The following SEMA3E variants were observed in gnomAD, a reference collection of about 807,000 sequenced individuals.
SEMA3E encodes semaphorin 3E.
Under a neutral mutation model 93.6 loss-of-function variants are expected in SEMA3E, and 49 were observed. The observed-to-expected ratio is 0.52, with a 90% CI of 0.42 to 0.66. SEMA3E has a LOEUF of 0.66. Ranked by LOEUF, SEMA3E falls within the 30% of genes least tolerant of loss-of-function variation. The pLI is 0.00. For missense variants in SEMA3E, 906 were observed against 964.8 expected, an observed-to-expected ratio of 0.94 and a Z score of 0.81; for synonymous variants, 363 against 330.7, an observed-to-expected ratio of 1.10 and a Z score of -1.06.
rs746229270 is a variant in SEMA3E, at chr7:83,396,678, G to A, written c.1418C>T (p.Ser473Leu). The change falls in exon 12 of 17, where the codon TCA becomes TTA. Residue 473 changes from serine (S) to leucine (L), a missense_variant. Transcript: ENST00000643230. ...VITIYNQEME[S>L]MEEVILEELQ... ...TTCTTCTAGAATTACTTCTTCCATT[G>A]ATTCCATTTCTTGGTTGTAAATTGT... The A allele has an allele frequency of 1.2e-6, 2 of 1,608,908 alleles. No individual in the cohort carries two copies. Among genetic ancestry groups the A allele is most frequent in the Middle Eastern group, 1.7e-4 (1 of 6,050 alleles).
chr7:83,441,639 C>A (rs952948660), intron 4 of SEMA3E, among the ~76,000 whole-genome samples: 1 of 152,020 alleles, frequency 6.6e-6, no homozygotes, highest in African/African-American at 2.4e-5. Flanking sequence ...TCACAGCAAC[C>A]CTATATGTGA....
At chr7:83,612,650 T>C (rs1289171843) in intron 1 of SEMA3E, 2 of 152,082 alleles carry the variant, frequency 1.3e-5, no homozygotes, top group Non-Finnish European at 2.9e-5. Context: ...AGTTTGAACA[T>C]TCCTTGCTTA....
chr7:83,476,881 A>T (rs1790022381), intron 2 of SEMA3E, among the ~76,000 whole-genome samples: 2 of 152,230 alleles, frequency 1.3e-5, no homozygotes. Context: ...CAAAAGGTTA[A>T]ATACACATCA....
At chr7:83,608,415 A>G (rs906557516) in intron 1 of SEMA3E, among the ~76,000 whole-genome samples, 10 of 152,154 alleles carry the variant, frequency 6.6e-5, no homozygotes, top group Non-Finnish European at 1.2e-4. Context: ...AAATTTATTC[A>G]TAATCCTACT....
At chr7:83,545,747 A>ATG (rs146370090) in intron 1 of SEMA3E, among the ~76,000 whole-genome samples, 10 of 148,544 alleles carry the variant, frequency 6.7e-5, no homozygotes, top group Non-Finnish European at 1.3e-4. Context: ...ATGTATATGT[A>ATG]TGTGTGTGTG....
intron 1 of SEMA3E, among the ~76,000 whole-genome samples, chr7:83,527,610 T>C (rs1247747496): frequency 2.0e-5 from 3 of 152,136 alleles, no homozygotes; most frequent in African/African-American, 7.2e-5. Flanking sequence ...TACTTAAACA[T>C]TGGAAGCTGT....
intron 1 of SEMA3E, among the ~76,000 whole-genome samples, chr7:83,622,254 G>A (rs1351350596): frequency 3.3e-5 from 5 of 151,314 alleles, no homozygotes; most frequent in Admixed American, 6.6e-5. Context: ...GATCATTAGA[G>A]AAATGCAAAT....
At chr7:83,462,952 G>A in intron 4 of SEMA3E, among the ~76,000 whole-genome samples, 1 of 104,454 alleles carries the variant, frequency 9.6e-6, no homozygotes, top group Admixed American at 1.2e-4. Context: ...CTTAATCCCA[G>A]CCTCTCTTCA....
chr7:83,405,336 A>T, intron 9 of SEMA3E, 114 bp downstream of exon 9: 1 of 756,998 alleles, frequency 1.3e-6, no homozygotes, highest in East Asian at 2.6e-5. Flanking sequence ...AAGTGTAGAA[A>T]ATGAGAAGAG....
intron 1 of SEMA3E, among the ~76,000 whole-genome samples, chr7:83,496,039 A>G (rs930077401): frequency 3.3e-5 from 5 of 152,026 alleles, no homozygotes; most frequent in African/African-American, 1.2e-4. Context: ...GAGCAGTTAC[A>G]TGGCATGTAC....
At chr7:83,607,543 C>T (rs1793150019) in intron 1 of SEMA3E, among the ~76,000 whole-genome samples, 1 of 152,094 alleles carries the variant, frequency 6.6e-6, no homozygotes, top group African/African-American at 2.4e-5. Context: ...TTATAAGATT[C>T]TATACAAATA....
intron 1 of SEMA3E, among the ~76,000 whole-genome samples, chr7:83,507,442 G>A (rs1021630731): frequency 7.7e-6 from 1 of 130,168 alleles, no homozygotes; most frequent in African/African-American, 2.7e-5. Flanking sequence ...GTGTGTGTGT[G>A]TGTGTGTGTG....
In SEMA3E at chr7:83,367,598, C is replaced by A. The variant is rs753767962; in HGVS notation, c.2316G>T (p.Thr772=). 4.3e-6 allele frequency: 7 copies of A among 1,613,964 alleles called. No homozygotes were observed. The highest frequency in any genetic ancestry group is 5.9e-6 in the Non-Finnish European group (7 of 1,179,970). Residue 772 remains threonine (T), a synonymous_variant, in exon 17 of 17, where the codon ACG becomes ACT. Coordinates refer to ENST00000643230, the MANE Select transcript of SEMA3E (RefSeq NM_012431.3). ...TAGTCTCACCCCATCAGGAGTCCAG[C>A]GTGTGCCTGGGCAGGCGGTAATGCT... ...KPEHYRLPRH[T]LDS
intron 1 of SEMA3E, among the ~76,000 whole-genome samples, chr7:83,503,004 TTCTC>T (rs202161846): frequency 6.5e-5 from 6 of 92,862 alleles, no homozygotes; most frequent in African/African-American, 2.3e-4. Flanking sequence ...ATGAGTTTCT[TTCTC>T]TCTCTTTTTT....
chr7:83,436,332 AGAG>A (rs1789004380), intron 4 of SEMA3E, among the ~76,000 whole-genome samples: 1 of 126,216 alleles, frequency 7.9e-6, no homozygotes, highest in African/African-American at 2.8e-5. Context: ...AAGAATAAGA[AGAG>A]GAGAAGAATA....
chr7:83,560,707 AT>A (rs1792013630), intron 1 of SEMA3E, among the ~76,000 whole-genome samples: 1 of 151,950 alleles, frequency 6.6e-6, no homozygotes, highest in Admixed American at 6.6e-5. Flanking sequence ...ATGAGATGAT[AT>A]TTTAGTCTTA....
chr7:83,530,709 T>A (rs1435422769), intron 1 of SEMA3E, among the ~76,000 whole-genome samples: 1 of 152,134 alleles, frequency 6.6e-6, no homozygotes, highest in South Asian at 2.1e-4. Flanking sequence ...AAACCCCATC[T>A]CTACTAAAAA....
At chr7:83,639,786 G>A (rs1198419806) in intron 1 of SEMA3E, among the ~76,000 whole-genome samples, 2 of 151,316 alleles carry the variant, frequency 1.3e-5, no homozygotes, top group African/African-American at 2.4e-5. Context: ...AAAATATACT[G>A]TAGATTCAAA....
At chr7:83,533,776 TAAG>T (rs1380180179) in intron 1 of SEMA3E, among the ~76,000 whole-genome samples, 5 of 150,454 alleles carry the variant, frequency 3.3e-5, no homozygotes, top group Admixed American at 3.3e-4. Flanking sequence ...TGATTGCAAA[TAAG>T]GAGGAGGAGG....
Sources: gnomAD v4.1 joint callset for allele counts (sites outside exome capture counted in the v4.1 genomes callset) on GRCh38, gnomAD v4.1.1 for gene constraint, MANE v1.5 for transcripts, NCBI Gene and HGNC (gene_info 2026-07-23, HGNC 2026-07-21) for gene names.